IMMP2L: variants seen among roughly 807,000 people sequenced by gnomAD.
IMMP2L encodes mitochondrial inner membrane protease subunit 2.
Under a neutral mutation model 19.3 loss-of-function variants are expected in IMMP2L, and 18 were observed. The observed-to-expected ratio is 0.93, with a 90% confidence interval of 0.64 to 1.38. IMMP2L has a LOEUF of 1.38. Among genes scored for constraint, IMMP2L ranks in the 40% most tolerant of loss-of-function variants. The probability of loss-of-function intolerance (pLI) is 0.00; values close to 1 mark genes in which losing one functional copy is unlikely to be tolerated. For missense variants in IMMP2L, 233 were observed against 218.2 expected (o/e 1.07, Z -0.43); for synonymous variants, 76 against 73.0 (o/e 1.04, Z -0.21).
At position 110,663,506 on chromosome 7, in the gene IMMP2L, T is replaced by TA. The variant is rs1791213297; in HGVS notation, c.*95dup. ...TGTAAATATTTCTCGCACAGCATCA[T>TA]ATTGTCAGAAGTTTTTCCCTTTTGG... On this transcript the variant is annotated 3_prime_UTR_variant, in exon 6 of 6. Transcript: ENST00000405709. 1.0e-6 allele frequency: 1 copy of TA among 988,154 alleles called. No homozygotes were observed. 61.2% of individuals were successfully genotyped at this position (988,154 alleles called of 1,614,324 possible).
chr7:111,132,239 G>T (rs1036142678), intron 3 of IMMP2L, among the ~76,000 whole-genome samples: 1 of 151,936 alleles, frequency 6.6e-6, no homozygotes, highest in Non-Finnish European at 1.5e-5. Context: ...GTTCCAAGTA[G>T]ATGGAAGGCT....
chr7:111,485,189 T>C (rs933679744), intron 3 of IMMP2L, among the ~76,000 whole-genome samples: 1 of 152,184 alleles, frequency 6.6e-6, no homozygotes, highest in Non-Finnish European at 1.5e-5. Context: ...TGTTGTTAAA[T>C]ATATAATACT....
intron 3 of IMMP2L, among the ~76,000 whole-genome samples, chr7:111,410,074 T>A (rs1834266855): frequency 6.6e-6 from 1 of 151,770 alleles, no homozygotes; most frequent in Admixed American, 6.6e-5. Context: ...AGAATACTCA[T>A]GAGGCTTTGA....
rs569458543 is a variant in IMMP2L at position 111,209,334 on chromosome 7, T to C, written c.240-245769A>G. Among the ~76,000 whole-genome samples, 96 of 149,894 alleles carry C rather than the reference T, an allele frequency of 6.4e-4. 1 individual carries two copies. Among genetic ancestry groups the C allele is most frequent in the African/African-American group, 2.3e-3 (93 of 40,644 alleles). ...ATCGCTTGAACCCAGGAGACGGAGG[T>C]TGCAGTGAGCTGAGATCATGCCACT... On this transcript the variant is annotated intron_variant, in intron 3 of 5. Coordinates refer to ENST00000405709, the MANE Select transcript of IMMP2L (RefSeq NM_032549.4).
At chr7:111,355,019 G>A (rs1828556862) in intron 3 of IMMP2L, among the ~76,000 whole-genome samples, 1 of 151,786 alleles carries the variant, frequency 6.6e-6, no homozygotes, top group Admixed American at 6.6e-5. Flanking sequence ...GATCTGAAAA[G>A]GATACTACTG....
At chr7:110,902,465 G>C (rs1811974585) in intron 4 of IMMP2L, among the ~76,000 whole-genome samples, 1 of 132,512 alleles carries the variant, frequency 7.5e-6, no homozygotes, top group Non-Finnish European at 1.5e-5. Flanking sequence ...ATATAAATAT[G>C]TCATGAATGA....
At chr7:110,723,738 G>C (rs541118264) in intron 5 of IMMP2L, among the ~76,000 whole-genome samples, 1 of 151,360 alleles carries the variant, frequency 6.6e-6, no homozygotes, top group East Asian at 1.9e-4. Context: ...GGAGCCAAAT[G>C]AATTAGAAAA....
At chr7:111,391,960 T>A (rs985147597) in intron 3 of IMMP2L, 2 of 703,018 alleles carry the variant, frequency 2.8e-6, no homozygotes, top group African/African-American at 1.7e-5. Context: ...TTAGGCTAAC[T>A]CTTCTCGGTT....
chr7:111,255,176 A>C (rs1277463068), intron 3 of IMMP2L, among the ~76,000 whole-genome samples: 1 of 152,072 alleles, frequency 6.6e-6, no homozygotes, highest in Admixed American at 6.6e-5. Flanking sequence ...CAAACTGTGC[A>C]CCAATCCTTG....
At chr7:111,218,613 C>CA (rs1373382568) in intron 3 of IMMP2L, among the ~76,000 whole-genome samples, 1 of 152,022 alleles carries the variant, frequency 6.6e-6, no homozygotes, top group Non-Finnish European at 1.5e-5. Context: ...AACCTAAAGA[C>CA]AGTTGTGAAA....
intron 3 of IMMP2L, among the ~76,000 whole-genome samples, chr7:111,083,614 T>C (rs1796067416): frequency 2.0e-5 from 3 of 152,206 alleles, no homozygotes. Context: ...GCTTTCCTTC[T>C]TCACTAGCGT....
chr7:110,738,032 C>T (rs1025242152), intron 5 of IMMP2L, among the ~76,000 whole-genome samples: 3 of 152,188 alleles, frequency 2.0e-5, no homozygotes, highest in African/African-American at 7.2e-5. Context: ...CAATGAAGCA[C>T]CCTGTGGGAC....
intron 1 of IMMP2L, among the ~76,000 whole-genome samples, chr7:111,552,495 C>T (rs1229889753): frequency 6.6e-6 from 1 of 152,148 alleles, no homozygotes; most frequent in Non-Finnish European, 1.5e-5. Context: ...ACTATGTTGG[C>T]CAGGCTGTTC....
In IMMP2L at chr7:111,019,519, G is replaced by A. The variant is rs7789870; in HGVS notation, c.240-55954C>T. 9.8e-3 allele frequency among the ~76,000 whole-genome samples: 1,494 copies of A among 152,104 alleles called. 22 individuals carry two copies. The highest frequency in any genetic ancestry group is 0.033 in the African/African-American group (1,381 of 41,478). On this transcript the variant is annotated intron_variant, in intron 3 of 5. Transcript: ENST00000405709. ...ACAGAGGGGGAGGCAGCCAGTAAGG[G>A]GGCCTCCACCTACTTTTCAAAGAAT...
chr7:111,130,470 T>C (rs1051541259), intron 3 of IMMP2L, among the ~76,000 whole-genome samples: 1 of 152,124 alleles, frequency 6.6e-6, no homozygotes, highest in East Asian at 1.9e-4. Context: ...ATGTGACCAT[T>C]GTAAAGAAAA....
At chr7:111,196,432 C>A (rs974962453) in intron 3 of IMMP2L, among the ~76,000 whole-genome samples, 1 of 152,012 alleles carries the variant, frequency 6.6e-6, no homozygotes, top group Admixed American at 6.5e-5. Flanking sequence ...TAAACTAGAA[C>A]AATGTGGTAT....
intron 3 of IMMP2L, among the ~76,000 whole-genome samples, chr7:111,441,142 T>A (rs1030914143): frequency 1.3e-5 from 2 of 151,918 alleles, no homozygotes; most frequent in Non-Finnish European, 2.9e-5. Flanking sequence ...CTATTTCACT[T>A]TCTCATCATC....
Position 110,714,416 on chromosome 7 carries a change from T to C in IMMP2L, c.409-50695A>G, listed in dbSNP as rs138154175. 5.9e-5 allele frequency among the ~76,000 whole-genome samples: 9 copies of C among 152,286 alleles called. No individual in the cohort carries two copies. In the South Asian group the frequency reaches 1.7e-3, roughly 28 times the overall value. The stretch of plus-strand genomic sequence containing the variant: ...AATGGCCTAAAGTTTTCTTTTTTCA[T>C]TGGGTCTTTACCAGGTTTTGGTATC... On this transcript the variant is annotated intron_variant, in intron 5 of 5. Coordinates refer to ENST00000405709, the MANE Select transcript of IMMP2L (RefSeq NM_032549.4).
chr7:110,682,566 A>G (rs1562913108), intron 5 of IMMP2L, among the ~76,000 whole-genome samples: 2 of 152,184 alleles, frequency 1.3e-5, no homozygotes, highest in Non-Finnish European at 2.9e-5. Context: ...GAACAAGGTG[A>G]TGGGGGGATG....
Sources: gnomAD v4.1 joint callset for allele counts (sites outside exome capture counted in the v4.1 genomes callset) on GRCh38, gnomAD v4.1.1 for gene constraint, MANE v1.5 for transcripts, NCBI Gene and HGNC (gene_info 2026-07-23, HGNC 2026-07-21) for gene names.